Variants in PACRG observed in about 807,000 individuals in gnomAD.
PACRG encodes parkin coregulated, also known as parkin coregulated gene protein.
In PACRG, 29 loss-of-function variants were observed where a neutral mutation model predicts 29.7. The ratio of observed to expected loss-of-function variants is 0.98; its 90% CI spans 0.73 to 1.33. The LOEUF (loss-of-function observed/expected upper bound fraction) is 1.33, where lower values mean the gene tolerates loss of function less well. Among genes scored for constraint, PACRG ranks in the 40% most tolerant of loss-of-function variants. The probability of loss-of-function intolerance (pLI) is 0.00; values close to 1 mark genes in which losing one functional copy is unlikely to be tolerated. For missense variants in PACRG, 279 were observed against 316.2 expected (o/e 0.88, Z 0.89); for synonymous variants, 116 against 118.7 (o/e 0.98, Z 0.15).
intron 3 of PACRG, among the ~76,000 whole-genome samples, chr6:163,071,273 A>G (rs1175108164): frequency 6.6e-6 from 1 of 152,148 alleles, no homozygotes; most frequent in African/African-American, 2.4e-5. Context: ...GATCATCTCA[A>G]GGATAGACCA....
intron 4 of PACRG, among the ~76,000 whole-genome samples, chr6:163,142,644 G>A (rs1457318865): frequency 6.6e-6 from 1 of 152,124 alleles, no homozygotes; most frequent in African/African-American, 2.4e-5. Context: ...GAAAATATAT[G>A]AACATAGTTG....
intron 4 of PACRG, among the ~76,000 whole-genome samples, chr6:163,109,870 A>G (rs999683802): frequency 2.6e-5 from 4 of 152,228 alleles, no homozygotes; most frequent in African/African-American, 9.6e-5. Flanking sequence ...TTGGGACTTG[A>G]TATGCAAACT....
intron 4 of PACRG, chr6:163,189,484 A>G (rs1780103527): frequency 6.6e-6 from 1 of 152,248 alleles, no homozygotes; most frequent in South Asian, 2.1e-4. Flanking sequence ...TAGATGCCTT[A>G]TGCCCAGCTT....
At chr6:162,823,543 G>A (rs1421976037) in intron 2 of PACRG, among the ~76,000 whole-genome samples, 1 of 144,838 alleles carries the variant, frequency 6.9e-6, no homozygotes, top group Non-Finnish European at 1.5e-5. Context: ...ACAGAGTCTT[G>A]CTCTGTTGCC....
chr6:163,290,278 G>GCGCACACA lies in PACRG; in HGVS notation c.614-24548_614-24547insGCACACAC, dbSNP rs1554242204. ...CATGTGCGCATGCACGCGCGCGCGC[G>GCGCACACA]CACACACACACACACACACACACAC... is the stretch of plus-strand genomic sequence containing the variant. On this transcript the variant is annotated intron_variant, in intron 4 of 4. Transcript: ENST00000366888. Among the ~76,000 whole-genome samples, 592 of 114,518 alleles carry GCGCACACA rather than the reference G, an allele frequency of 5.2e-3. 11 individuals are homozygous for GCGCACACA. Among genetic ancestry groups the GCGCACACA allele is most frequent in the Admixed American group, 0.035 (418 of 11,824 alleles). The allele number at this position is 114,518 out of a possible 152,430, so 75.1% of individuals were successfully genotyped here.
At chr6:163,007,828 C>T (rs1805258143) in intron 2 of PACRG, among the ~76,000 whole-genome samples, 1 of 152,136 alleles carries the variant, frequency 6.6e-6, no homozygotes. Context: ...GAGAGTTCTT[C>T]CCAGTCCACC....
intron 2 of PACRG, among the ~76,000 whole-genome samples, chr6:162,872,197 T>A (rs1456282027): frequency 7.0e-6 from 1 of 143,422 alleles, no homozygotes; most frequent in Middle Eastern, 3.6e-3. Context: ...CCAGGGCTTC[T>A]AACTCCAGAT....
chr6:163,156,147 G>T (rs1778305742), intron 4 of PACRG, among the ~76,000 whole-genome samples: 1 of 152,178 alleles, frequency 6.6e-6, no homozygotes, highest in South Asian at 2.1e-4. Context: ...CTTGGCTCCT[G>T]CAGCCTCTTC....
intron 2 of PACRG, among the ~76,000 whole-genome samples, chr6:162,935,688 T>A (rs1220078320): frequency 6.6e-6 from 1 of 152,182 alleles, no homozygotes; most frequent in Non-Finnish European, 1.5e-5. Context: ...ATAGATTTTC[T>A]TTTCTTTTCA....
chr6:162,791,739 A>G (rs1784967417), intron 1 of PACRG, among the ~76,000 whole-genome samples: 1 of 152,192 alleles, frequency 6.6e-6, no homozygotes, highest in Non-Finnish European at 1.5e-5. Context: ...ACCATTCAGT[A>G]CTTACTGCAT....
chr6:163,213,701 A>T (rs1215921592), intron 4 of PACRG, among the ~76,000 whole-genome samples: 1 of 152,128 alleles, frequency 6.6e-6, no homozygotes, highest in Non-Finnish European at 1.5e-5. Context: ...GGTATTAGTT[A>T]TTTGTAAATT....
intron 4 of PACRG, among the ~76,000 whole-genome samples, chr6:163,135,092 T>C (rs983381254): frequency 2.0e-5 from 3 of 152,212 alleles, no homozygotes; most frequent in Non-Finnish European, 4.4e-5. Flanking sequence ...AAGAACAGTA[T>C]AATAATACTG....
chr6:163,237,358 T>C (rs941711152), intron 4 of PACRG, among the ~76,000 whole-genome samples: 2 of 152,206 alleles, frequency 1.3e-5, no homozygotes, highest in African/African-American at 4.8e-5. Flanking sequence ...TTTTATTTTC[T>C]TGATAGACAC....
chr6:162,927,821 A>G (rs933550498), intron 2 of PACRG, among the ~76,000 whole-genome samples: 15 of 151,852 alleles, frequency 9.9e-5, no homozygotes, highest in African/African-American at 3.4e-4. Flanking sequence ...AAACAAACAA[A>G]CAAACAAACA....
rs569728984 is a variant in PACRG, at chr6:163,083,395, G to C, written c.464-5864G>C. ...AGTCTTCCTGCTTTTGCTTTAAGTT[G>C]TCCTGCCTTTCCAGACCAAACCAAT... On this transcript the variant is annotated intron_variant, in intron 3 of 4. Coordinates refer to ENST00000366888, the MANE Select transcript of PACRG (RefSeq NM_001080379.2). Among the ~76,000 whole-genome samples, 101 of 152,222 alleles carry C rather than the reference G, an allele frequency of 6.6e-4. 1 individual carries two copies. The highest frequency in any genetic ancestry group is 2.4e-3 in the African/African-American group (98 of 41,542).
rs1381084192 is a variant in PACRG, at chr6:163,259,989, G to T, written c.614-54838G>T. On this transcript the variant is annotated intron_variant, in intron 4 of 4. Coordinates refer to ENST00000366888, the MANE Select transcript of PACRG (RefSeq NM_001080379.2). ...GCTGGTTTCAGAGTTGGAAGAGGGT[G>T]TGTGCCTGTGTGTTCCTGATGTCCT... Among the ~76,000 whole-genome samples, 5 of 152,310 alleles carry T rather than the reference G, an allele frequency of 3.3e-5. No homozygotes were observed. The East Asian group carries it at 9.6e-4, about 29-fold the overall frequency.
At chr6:162,800,581 A>G (rs1320017376) in intron 1 of PACRG, among the ~76,000 whole-genome samples, 1 of 152,242 alleles carries the variant, frequency 6.6e-6, no homozygotes, top group Non-Finnish European at 1.5e-5. Flanking sequence ...AGAATCTGGT[A>G]TCTATGAAAT....
intron 4 of PACRG, among the ~76,000 whole-genome samples, chr6:163,109,924 T>C (rs570924821): frequency 6.6e-6 from 1 of 152,238 alleles, no homozygotes; most frequent in Non-Finnish European, 1.5e-5. Flanking sequence ...ATGATAAATA[T>C]CAGTTTCATG....
Position 163,315,276 on chromosome 6 carries a change from G to C in PACRG, c.*289G>C, listed in dbSNP as rs534307874. The C allele has an allele frequency of 6.7e-4, 181 of 268,530 alleles. 1 individual carries two copies. The highest frequency in any genetic ancestry group is 4.7e-3 in the South Asian group (46 of 9,736). The allele number at this position is 268,530 out of a possible 1,614,324, so 16.6% of individuals were successfully genotyped here. On this transcript the variant is annotated 3_prime_UTR_variant, in exon 5 of 5. Coordinates refer to ENST00000366888, the MANE Select transcript of PACRG (RefSeq NM_001080379.2). ...AGCAGGAGTCCGAGTTAAACCTTCA[G>C]TTGTATAGACAATAAACTATAATTT...
Sources: allele counts gnomAD v4.1 joint callset (sites outside exome capture counted in the v4.1 genomes callset), GRCh38; gene constraint gnomAD v4.1.1; transcripts MANE v1.5; gene names NCBI Gene and HGNC (gene_info 2026-07-23, HGNC 2026-07-21).